The following NOL4L variants were observed in gnomAD, a reference collection of about 807,000 sequenced individuals.
The protein encoded by NOL4L is nucleolar protein 4 like.
Under a neutral mutation model 64.5 loss-of-function variants are expected in NOL4L, and 7 were observed. That is an observed-to-expected ratio of 0.11 (90% CI 0.06 to 0.20). The LOEUF (loss-of-function observed/expected upper bound fraction) is 0.20, where lower values mean the gene tolerates loss of function less well. Ranked by LOEUF, NOL4L falls within the 10% of genes least tolerant of loss-of-function variation. NOL4L has a pLI of 1.00. For synonymous variants in NOL4L, 413 were observed against 401.0 expected, an observed-to-expected ratio of 1.03 and a Z score of -0.36; for missense variants, 680 against 967.1, an observed-to-expected ratio of 0.70 and a Z score of 3.94.
chr20:32,527,671 C>T lies in NOL4L; in HGVS notation c.477+87G>A, dbSNP rs73906151. On this transcript the variant is annotated intron_variant, in intron 2 of 10. Coordinates refer to ENST00000621426, the MANE Select transcript of NOL4L (RefSeq NM_001256798.2). Reference sequence around the variant, plus strand: ...TTCATCACGCCTCAGCTCCCTGCCCCGCCCCCCAAGCCCAACATGTGCGGA... The same window carrying T: ...TTCATCACGCCTCAGCTCCCTGCCCTGCCCCCCAAGCCCAACATGTGCGGA... The T allele has an allele frequency of 3.1e-4, 447 of 1,442,486 alleles. 1 individual carries two copies. The African/African-American group carries it at 5.4e-3, about 17-fold the overall frequency. The allele number at this position is 1,442,486 out of a possible 1,614,324, so 89.4% of individuals were successfully genotyped here. A position where few individuals can be genotyped will look rare whatever the true frequency, so the allele number is the denominator to read the frequency against.
chr20:32,580,236 C>G (rs1197061279), intron 1 of NOL4L, among the ~76,000 whole-genome samples: 1 of 152,212 alleles, frequency 6.6e-6, no homozygotes, highest in African/African-American at 2.4e-5. Flanking sequence ...CTCTAGGCTG[C>G]TGTGAGAATT....
At chr20:32,551,712 A>T (rs1044669043) in intron 1 of NOL4L, among the ~76,000 whole-genome samples, 1 of 152,088 alleles carries the variant, frequency 6.6e-6, no homozygotes. Flanking sequence ...TCTGGGGATG[A>T]CGCAAATGTT....
At chr20:32,536,071 C>CA in intron 1 of NOL4L, 1 of 985,618 alleles carries the variant, frequency 1.0e-6, no homozygotes, top group Non-Finnish European at 1.2e-6. Context: ...TGTGAGCAGA[C>CA]ACCATAGGCA....
chr20:32,542,688 C>G (rs2018675102), intron 1 of NOL4L, among the ~76,000 whole-genome samples: 1 of 152,188 alleles, frequency 6.6e-6, no homozygotes, highest in South Asian at 2.1e-4. Flanking sequence ...TTGAACCTTA[C>G]CAAGTTACTT....
intron 3 of NOL4L, among the ~76,000 whole-genome samples, chr20:32,516,462 G>A (rs937449809): frequency 6.6e-6 from 1 of 152,126 alleles, no homozygotes; most frequent in Non-Finnish European, 1.5e-5. Flanking sequence ...GAGGCCATTA[G>A]GGTCACTGGA....
intron 3 of NOL4L, among the ~76,000 whole-genome samples, chr20:32,514,310 T>G (rs1356876706): frequency 6.6e-6 from 1 of 151,988 alleles, no homozygotes; most frequent in Non-Finnish European, 1.5e-5. Flanking sequence ...CTGACCAACA[T>G]GACAAACCCC....
rs1210682919 is a variant in NOL4L at position 32,584,621 on chromosome 20, G to T, written c.270C>A (p.Gly90=). The part of the protein sequence containing the change: ...VRSKGFRLGS[G]REPKMGQVVY... ...CCACTTGGCCCATCTTGGGTTCCCG[G>T]CCGCTGCCCAGGCGGAAGCCCTTGG... Residue 90 remains glycine (G), a synonymous_variant, in exon 1 of 11, where the codon GGC becomes GGA. Coordinates refer to ENST00000621426, the MANE Select transcript of NOL4L (RefSeq NM_001256798.2). 6.5e-7 allele frequency: 1 copy of T among 1,536,220 alleles called. No individual in the cohort carries two copies.
chr20:32,475,203 G>A (rs1437858016), intron 4 of NOL4L: 11 of 985,450 alleles, frequency 1.1e-5, no homozygotes, highest in East Asian at 2.3e-4. Context: ...CAGGCCTGGC[G>A]CCCTGACTCC....
intron 1 of NOL4L, among the ~76,000 whole-genome samples, chr20:32,570,485 C>A (rs1015984570): frequency 1.3e-5 from 2 of 152,200 alleles, no homozygotes; most frequent in African/African-American, 2.4e-5. Context: ...TGGGGCCTGG[C>A]CAAGGGCTCT....
chr20:32,527,076 T>C (rs552273439), intron 2 of NOL4L, among the ~76,000 whole-genome samples: 10 of 152,300 alleles, frequency 6.6e-5, no homozygotes, highest in African/African-American at 1.7e-4. Context: ...CCAGTACAGG[T>C]GTCACCTTCT....
In NOL4L at chr20:32,509,132, A is replaced by C. The variant is rs937599219; in HGVS notation, c.699+2215T>G. 1.2e-4 allele frequency among the ~76,000 whole-genome samples: 19 copies of C among 152,096 alleles called. 1 individual carries two copies. The highest frequency in any genetic ancestry group is 8.8e-5 in the Non-Finnish European group (6 of 68,024). On this transcript the variant is annotated intron_variant, in intron 4 of 10. Transcript: ENST00000621426. The stretch of plus-strand genomic sequence containing the variant: ...CCAGTGCCACGTGTCCTTCTGCACC[A>C]TGGCAATGCCCCACTGATCACTTCC...
Position 32,584,833 on chromosome 20 carries a change from C to A in NOL4L, c.58G>T (p.Asp20Tyr). 1 of 1,491,242 alleles carries A rather than the reference C, an allele frequency of 6.7e-7. No individual in the cohort carries two copies. Among genetic ancestry groups the A allele is most frequent in the Non-Finnish European group, 8.9e-7 (1 of 1,120,364 alleles). 92.4% of individuals were successfully genotyped at this position (1,491,242 alleles called of 1,614,324 possible). A position where few individuals can be genotyped will look rare whatever the true frequency, so the allele number is the denominator to read the frequency against. ...CGGAACTGGCGGCCCAGCTCCGAGTCCCCGGGGCTGCGCTCGCGCTCCCAG... is the reference window on the plus strand; with the variant it reads ...CGGAACTGGCGGCCCAGCTCCGAGTACCCGGGGCTGCGCTCGCGCTCCCAG... ...GGWERERSPG[D>Y]SELGRQFRDW... The change falls in exon 1 of 11, where the codon GAC (aspartate) becomes TAC (tyrosine). Residue 20 changes from aspartate (D) to tyrosine (Y), a missense_variant. This residue lies in a region of NOL4L where 181 missense variants were observed against 335.2 expected (regional missense o/e 0.54). Coordinates refer to ENST00000621426, the MANE Select transcript of NOL4L (RefSeq NM_001256798.2).
intron 3 of NOL4L, among the ~76,000 whole-genome samples, chr20:32,514,890 T>C (rs552041897): frequency 1.1e-4 from 16 of 152,086 alleles, no homozygotes; most frequent in African/African-American, 3.9e-4. Flanking sequence ...ATGGTGAGTG[T>C]GACATCATGG....
At chr20:32,557,985 G>A (rs1978769359) in intron 1 of NOL4L, among the ~76,000 whole-genome samples, 1 of 152,170 alleles carries the variant, frequency 6.6e-6, no homozygotes, top group African/African-American at 2.4e-5. Flanking sequence ...CTGGGGAGGT[G>A]GAGGCTGCAG....
intron 4 of NOL4L, among the ~76,000 whole-genome samples, chr20:32,497,187 A>C (rs2016725107): frequency 6.6e-6 from 1 of 152,074 alleles, no homozygotes; most frequent in Admixed American, 6.6e-5. Context: ...CAGCTGCTGA[A>C]GCGTCTGAAA....
intron 1 of NOL4L, among the ~76,000 whole-genome samples, chr20:32,554,838 A>G (rs1309442017): frequency 6.6e-6 from 1 of 152,202 alleles, no homozygotes; most frequent in Non-Finnish European, 1.5e-5. Flanking sequence ...CAACTAATTC[A>G]TCTTGAGCAC....
intron 1 of NOL4L, among the ~76,000 whole-genome samples, chr20:32,533,916 GA>G (rs1187254911): frequency 6.6e-6 from 1 of 152,224 alleles, no homozygotes; most frequent in Non-Finnish European, 1.5e-5. Flanking sequence ...GAATCGGACT[GA>G]ATCTTGCCTG....
chr20:32,457,165 G>C (rs1338498032), intron 5 of NOL4L, among the ~76,000 whole-genome samples: 1 of 152,240 alleles, frequency 6.6e-6, no homozygotes, highest in East Asian at 1.9e-4. Flanking sequence ...CCGCCAGCCT[G>C]CGGGCGCGGG....
chr20:32,474,083 G>C (rs984324643), intron 5 of NOL4L, among the ~76,000 whole-genome samples: 1 of 152,244 alleles, frequency 6.6e-6, no homozygotes, highest in Non-Finnish European at 1.5e-5. Flanking sequence ...GGCGGTCAGG[G>C]CTAGGGAAGA....
Sources: allele counts gnomAD v4.1 joint callset (sites outside exome capture counted in the v4.1 genomes callset), GRCh38; gene constraint gnomAD v4.1.1; regional missense constraint gnomAD v4.1.1; transcripts MANE v1.5; gene names NCBI Gene and HGNC (gene_info 2026-07-23, HGNC 2026-07-21).